Variants in KIAA0513 observed in about 807,000 individuals in gnomAD.
KIAA0513 encodes uncharacterized protein KIAA0513.
Under a neutral mutation model 56.5 loss-of-function variants are expected in KIAA0513, and 39 were observed. The ratio of observed to expected loss-of-function variants is 0.69; its 90% CI spans 0.53 to 0.90. The LOEUF (loss-of-function observed/expected upper bound fraction) is 0.90. Ranked by LOEUF, KIAA0513 falls within the 40% of genes least tolerant of loss-of-function variation. The pLI, the probability that KIAA0513 is intolerant of heterozygous loss-of-function variation, is 0.00. For synonymous variants in KIAA0513, 268 were observed against 215.6 expected (o/e 1.24, Z -2.13); for missense variants, 591 against 535.2 (o/e 1.10, Z -1.03).
At chr16:85,036,464 C>T (rs1422186663) in intron 1 of KIAA0513, among the ~76,000 whole-genome samples, 1 of 152,136 alleles carries the variant, frequency 6.6e-6, no homozygotes, top group Non-Finnish European at 1.5e-5. Flanking sequence ...ATTTTTAGTT[C>T]ATTGCTATTG....
At position 85,078,996 on chromosome 16, in the gene KIAA0513, C is replaced by T. The variant is rs940586989; in HGVS notation, c.895C>T (p.Pro299Ser). The change falls in exon 8 of 13, where the codon CCC becomes TCC. Residue 299 changes from proline to serine, a missense_variant. By Grantham distance (74) the Pro-to-Ser change is moderately conservative (BLOSUM62 -1). Transcript: ENST00000683363. ...CCTGTACACGCACCTGAAGCAACAGCCCATCTGGTAAGGCCGAGCCCGCGG... is the reference window on the plus strand; with the variant it reads ...CCTGTACACGCACCTGAAGCAACAGTCCATCTGGTAAGGCCGAGCCCGCGG... Reference protein sequence around the residue: ...IYLYTHLKQQPIWHTLRFWNA... With the variant: ...IYLYTHLKQQSIWHTLRFWNA... 6 of 1,614,162 alleles carry T rather than the reference C, an allele frequency of 3.7e-6. No homozygotes were observed. Among genetic ancestry groups the T allele is most frequent in the Non-Finnish European group, 5.1e-6 (6 of 1,180,016 alleles).
intron 1 of KIAA0513, among the ~76,000 whole-genome samples, chr16:85,058,179 T>C (rs991262088): frequency 6.6e-6 from 1 of 152,158 alleles, no homozygotes; most frequent in African/African-American, 2.4e-5. Context: ...CTGACACTTG[T>C]CAAAAGCCCT....
At chr16:85,040,064 C>T (rs955719811) in intron 1 of KIAA0513, among the ~76,000 whole-genome samples, 2 of 152,020 alleles carry the variant, frequency 1.3e-5, no homozygotes, top group African/African-American at 4.8e-5. Flanking sequence ...GAACTCCTGA[C>T]CTCAGGTGAT....
intron 1 of KIAA0513, among the ~76,000 whole-genome samples, chr16:85,043,299 G>T (rs774110559): frequency 1.4e-4 from 21 of 151,566 alleles, no homozygotes; most frequent in Admixed American, 6.6e-4. Flanking sequence ...ACATACCTGC[G>T]CACTGAAACA....
At chr16:85,072,792 C>T (rs2073597294) in intron 3 of KIAA0513, 133 bp from the exon 4 acceptor site, 2 of 834,414 alleles carry the variant, frequency 2.4e-6, no homozygotes, top group South Asian at 1.5e-5. Flanking sequence ...TTCTATAGTG[C>T]AGAGGCAGCA....
intron 8 of KIAA0513, 96 bp downstream of exon 8, chr16:85,079,099 A>G: frequency 6.3e-7 from 1 of 1,593,822 alleles, no homozygotes; most frequent in African/African-American, 1.3e-5. Context: ...CCCCATCAGA[A>G]TGGCAGAATT....
In KIAA0513 at chr16:85,067,257, G is replaced by A. The variant is rs145719525; in HGVS notation, c.186G>A (p.Ser62=). ...AGAATGACATGGGCGAGTCGCCCTC[G>A]CACCCGTCCTGGGACCAAGACCGCC... is the stretch of plus-strand genomic sequence containing the variant. ...DSENDMGESP[S]HPSWDQDRRS... Residue 62 remains serine (S), a synonymous_variant, in exon 2 of 13, where the codon TCG becomes TCA. Transcript: ENST00000683363. 156 of 1,613,900 alleles carry A rather than the reference G, an allele frequency of 9.7e-5. No individual in the cohort carries two copies. The highest frequency in any genetic ancestry group is 1.6e-4 in the Middle Eastern group (1 of 6,084).
At chr16:85,087,016 C>T (rs924032966) in intron 11 of KIAA0513, 56 bp from the exon 12 acceptor site, 3 of 1,550,100 alleles carry the variant, frequency 1.9e-6, no homozygotes, top group Non-Finnish European at 2.7e-6. Flanking sequence ...GGCCCAGCTC[C>T]CCGGCCCTTT....
chr16:85,034,805 G>A (rs9921047), intron 1 of KIAA0513, among the ~76,000 whole-genome samples: 13,941 of 152,196 alleles, frequency 0.092, 1,135 homozygotes, highest in African/African-American at 0.21. Flanking sequence ...AGAAAACTGA[G>A]GCATAGAGAG....
chr16:85,031,448 C>T (rs1286314971), intron 1 of KIAA0513, among the ~76,000 whole-genome samples: 1 of 152,182 alleles, frequency 6.6e-6, no homozygotes, highest in African/African-American at 2.4e-5. Context: ...TGTACCACTG[C>T]ACCCCAGACT....
intron 1 of KIAA0513, 161 bp from the exon 2 acceptor site, chr16:85,066,739 G>A (rs1330061091): frequency 7.3e-6 from 2 of 273,050 alleles, no homozygotes; most frequent in East Asian, 6.9e-5. Flanking sequence ...GACCTACCAT[G>A]GACCAGGTGT....
intron 10 of KIAA0513, among the ~76,000 whole-genome samples, chr16:85,083,804 C>T (rs770099593): frequency 2.0e-5 from 3 of 152,300 alleles, no homozygotes; most frequent in Non-Finnish European, 2.9e-5. Context: ...TGGCAGGGGG[C>T]GAGGTTGGCT....
intron 1 of KIAA0513, among the ~76,000 whole-genome samples, chr16:85,064,034 C>G (rs1324738904): frequency 7.7e-6 from 1 of 130,364 alleles, no homozygotes; most frequent in Non-Finnish European, 1.5e-5. Flanking sequence ...GAGGTGGAGA[C>G]TTGCTCTGTC....
chr16:85,088,715 G>T lies in KIAA0513; in HGVS notation c.*390G>T, dbSNP rs1344674772. On this transcript the variant is annotated 3_prime_UTR_variant, in exon 13 of 13. Transcript: ENST00000683363. ...ACAGCCATGAGGTGGGGCTGCAGCC[G>T]GCACACCCAGTGGTGGAGGGCCGGC... 1 of 198,036 alleles carries T rather than the reference G, an allele frequency of 5.0e-6. No homozygotes were observed. Among genetic ancestry groups the T allele is most frequent in the Non-Finnish European group, 1.0e-5 (1 of 97,132 alleles). 12.3% of individuals were successfully genotyped at this position (198,036 alleles called of 1,614,324 possible). A position where few individuals can be genotyped will look rare whatever the true frequency, so the allele number is the denominator to read the frequency against.
chr16:85,078,207 A>T (rs1439564595), intron 6 of KIAA0513, among the ~76,000 whole-genome samples: 1 of 152,202 alleles, frequency 6.6e-6, no homozygotes, highest in African/African-American at 2.4e-5. Context: ...GATTCAGAGA[A>T]AATGACATAA....
At chr16:85,052,098 G>C (rs1244030278) in intron 1 of KIAA0513, among the ~76,000 whole-genome samples, 1 of 152,120 alleles carries the variant, frequency 6.6e-6, no homozygotes, top group Non-Finnish European at 1.5e-5. Context: ...AAGGCAGGCA[G>C]ATCACGAGGT....
intron 8 of KIAA0513, chr16:85,079,491 G>T (rs1291392131): frequency 6.1e-6 from 1 of 164,858 alleles, no homozygotes; most frequent in African/African-American, 2.4e-5. Flanking sequence ...GCTCCACGCT[G>T]TAGCAGGGAT....
At chr16:85,050,233 G>C (rs8063208) in intron 1 of KIAA0513, among the ~76,000 whole-genome samples, 60,515 of 151,876 alleles carry the variant, frequency 0.4, 13,376 homozygotes, top group African/African-American at 0.59. Flanking sequence ...AAATCCAGGT[G>C]CTTGTGTGAG....
Position 85,081,512 on chromosome 16 carries a change from C to T in KIAA0513, c.980+120C>T. The T allele has an allele frequency of 1.1e-6, 1 of 912,196 alleles. No individual in the cohort carries two copies. The highest frequency in any genetic ancestry group is 1.7e-6 in the Non-Finnish European group (1 of 572,382). The allele number at this position is 912,196 out of a possible 1,614,324, so 56.5% of individuals were successfully genotyped here. Reference sequence around the variant, plus strand: ...TGAGTGGACGTGTCTGTTTTTTCTTCACCCCCTCATGGCCCTGGTGCCTCG... The same window carrying T: ...TGAGTGGACGTGTCTGTTTTTTCTTTACCCCCTCATGGCCCTGGTGCCTCG... On this transcript the variant is annotated intron_variant, in intron 9 of 12. Coordinates refer to ENST00000683363, the MANE Select transcript of KIAA0513 (RefSeq NM_001388359.1). This position sits in a 1 kb window ranked among gnomAD's most constrained non-coding sequence, Gnocchi z 4.4.
Sources: gnomAD v4.1 joint callset for allele counts (sites outside exome capture counted in the v4.1 genomes callset) on GRCh38, gnomAD v4.1.1 for gene constraint, Gnocchi (gnomAD v3.1) non-coding constraint, MANE v1.5 for transcripts, NCBI Gene and HGNC (gene_info 2026-07-23, HGNC 2026-07-21) for gene names.